Variants in ERCC6L2 observed in about 807,000 individuals in gnomAD.
ERCC6L2 encodes ERCC excision repair 6 like 2.
Under a neutral mutation model 132.0 loss-of-function variants are expected in ERCC6L2, and 77 were observed. That is an observed-to-expected ratio of 0.58 (90% confidence interval 0.49 to 0.71). ERCC6L2 has a LOEUF of 0.71. Among genes scored for constraint, ERCC6L2 ranks in the 30% least tolerant of loss-of-function variants. The pLI is 0.00. For missense variants in ERCC6L2, 1,542 were observed against 1,837.6 expected (o/e 0.84, Z 2.94); for synonymous variants, 583 against 632.4 (o/e 0.92, Z 1.17).
downstream of ERCC6L2, chr9:96,020,648 G>C: frequency 5.0e-6 from 2 of 400,848 alleles, no homozygotes; most frequent in South Asian, 3.7e-5. Context: ...GAGGAAGGCA[G>C]CTGCAGATGA....
chr9:95,934,052 T>C (rs1343809321), intron 11 of ERCC6L2, among the ~76,000 whole-genome samples: 1 of 152,166 alleles, frequency 6.6e-6, no homozygotes, highest in Non-Finnish European at 1.5e-5. Flanking sequence ...GTGAGTTGTT[T>C]TGTGATACAG....
At chr9:95,900,140 C>T (rs776033117) in intron 3 of ERCC6L2, among the ~76,000 whole-genome samples, 9 of 152,134 alleles carry the variant, frequency 5.9e-5, no homozygotes, top group Non-Finnish European at 1.3e-4. Context: ...AATCCCAGCA[C>T]TTTGGGAGGC....
chr9:95,881,050 A>C lies in ERCC6L2; in HGVS notation c.228A>C (p.Lys76Asn). The C allele has an allele frequency of 6.2e-7, 1 of 1,613,996 alleles. No individual in the cohort carries two copies. The highest frequency in any genetic ancestry group is 8.5e-7 in the Non-Finnish European group (1 of 1,179,898). The change falls in exon 2 of 19, where the codon AAA becomes AAC. Residue 76 changes from lysine (K) to asparagine (N), a missense_variant. This residue lies in a region of ERCC6L2 where 153 missense variants were observed against 132.3 expected (regional missense o/e 1.16). Transcript: ENST00000653738. ...AGCTTCAAGAAGTGAAATTTGTTAA[A>C]GATTGCCCTAGGAATCTTATATTTG... Reference protein sequence around the residue: ...LKQLQEVKFVKDCPRNLIFDD... With the variant: ...LKQLQEVKFVNDCPRNLIFDD...
chr9:95,966,824 C>A, intron 14 of ERCC6L2, 110 bp downstream of exon 14: 1 of 908,288 alleles, frequency 1.1e-6, no homozygotes, highest in Non-Finnish European at 1.5e-6. Flanking sequence ...TTTTGGTTTT[C>A]TTTATCAAAA....
rs1041013461 is a variant in ERCC6L2 at position 95,991,511 on chromosome 9, C to T, written c.3493-13009C>T. On this transcript the variant is annotated intron_variant, in intron 17 of 18. Transcript: ENST00000653738. Reference sequence around the variant, plus strand: ...TGTACTTGAAAGAATGACTGATAGACAGACTGGTTATTCAGACTTGGGTAT... The same window carrying T: ...TGTACTTGAAAGAATGACTGATAGATAGACTGGTTATTCAGACTTGGGTAT... Among the ~76,000 whole-genome samples the T allele has an allele frequency of 2.0e-5, 3 of 152,056 alleles. No homozygotes were observed. In the East Asian group the frequency reaches 5.8e-4, roughly 29 times the overall value.
At chr9:96,035,616 A>T (rs536650079) in intron 19 of ERCC6L2, among the ~76,000 whole-genome samples, 2 of 152,188 alleles carry the variant, frequency 1.3e-5, no homozygotes, top group Non-Finnish European at 2.9e-5. Flanking sequence ...CTGCCTGCCT[A>T]CAGAGGGGAG....
At chr9:96,035,238 T>A (rs1448162002) in intron 19 of ERCC6L2, among the ~76,000 whole-genome samples, 1 of 151,832 alleles carries the variant, frequency 6.6e-6, no homozygotes, top group Non-Finnish European at 1.5e-5. Context: ...AGGGGGCGGG[T>A]CCCAGTAAGG....
intron 17 of ERCC6L2, among the ~76,000 whole-genome samples, chr9:96,001,674 G>A (rs570244822): frequency 0.011 from 1,645 of 152,352 alleles, 13 homozygotes; most frequent in Admixed American, 0.016. Context: ...ATCCCGCACC[G>A]GGGCTGCAGG....
At chr9:95,894,923 G>T (rs1169942745) in intron 2 of ERCC6L2, among the ~76,000 whole-genome samples, 8 of 152,104 alleles carry the variant, frequency 5.3e-5, no homozygotes, top group African/African-American at 7.2e-5. Flanking sequence ...TAACTATTTC[G>T]TGGGTACTTA....
At chr9:95,974,835 A>C (rs925785124) in intron 16 of ERCC6L2, among the ~76,000 whole-genome samples, 4 of 152,028 alleles carry the variant, frequency 2.6e-5, no homozygotes, top group Non-Finnish European at 5.9e-5. Flanking sequence ...GTGATGATAA[A>C]ATACCTCGAG....
chr9:95,987,155 G>A (rs935273461), intron 17 of ERCC6L2, among the ~76,000 whole-genome samples: 4 of 152,050 alleles, frequency 2.6e-5, no homozygotes, highest in African/African-American at 9.7e-5. Context: ...ATGAGATTTG[G>A]GTGGGGACAC....
intron 19 of ERCC6L2, among the ~76,000 whole-genome samples, chr9:96,028,831 G>A (rs1235602740): frequency 3.3e-5 from 5 of 152,260 alleles, no homozygotes; most frequent in African/African-American, 9.6e-5. Flanking sequence ...ATAAGTATAC[G>A]TCATATACAT....
chr9:96,012,788 G>A lies in ERCC6L2; in HGVS notation c.4238G>A (p.Arg1413Lys). 2 of 1,367,544 alleles carry A rather than the reference G, an allele frequency of 1.5e-6. No individual in the cohort carries two copies. The highest frequency in any genetic ancestry group is 2.0e-6 in the Non-Finnish European group (2 of 1,021,828). 84.7% of individuals were successfully genotyped at this position (1,367,544 alleles called of 1,614,324 possible). ...GACCTCACAAGAACGGGCATTTCAA[G>A]AAAAGAACCCCTTCTCAAATTGGAA... ...QQDLTRTGIS[R>K]KEPLLKLENK... The change falls in exon 19 of 19, where the codon AGA becomes AAA. Residue 1413 changes from arginine to lysine, a missense_variant. Transcript: ENST00000653738.
chr9:96,012,591 A>G lies in ERCC6L2; in HGVS notation c.4041A>G (p.Glu1347=), dbSNP rs2133226004. ...TTCAGAATCATATTTCCTATAGAGA[A>G]GAGGTGTTTTTTAATGATGCAGAAA... ...VKFQNHISYR[E]EVFFNDAETK... Residue 1347 remains glutamate, a synonymous_variant, in exon 19 of 19, where the codon GAA becomes GAG. Coordinates refer to ENST00000653738, the MANE Select transcript of ERCC6L2 (RefSeq NM_020207.7). 1 of 1,367,664 alleles carries G rather than the reference A, an allele frequency of 7.3e-7. No homozygotes were observed. Among genetic ancestry groups the G allele is most frequent in the Admixed American group, 1.9e-5 (1 of 52,572 alleles). 84.7% of individuals were successfully genotyped at this position (1,367,664 alleles called of 1,614,324 possible).
In ERCC6L2 at chr9:95,966,514, T is replaced by C. The variant is rs763106912; in HGVS notation, c.1948-48T>C. 9 of 1,401,360 alleles carry C rather than the reference T, an allele frequency of 6.4e-6. 1 individual carries two copies. Among genetic ancestry groups the C allele is most frequent in the Middle Eastern group, 1.9e-4 (1 of 5,206 alleles). The allele number at this position is 1,401,360 out of a possible 1,614,324, so 86.8% of individuals were successfully genotyped here. ...GGGAATGCCAGGAAATTCTGACATA[T>C]TGTTGGAGCAAACACTTCAAAAATG... is the stretch of plus-strand genomic sequence containing the variant. On this transcript the variant is annotated intron_variant, in intron 13 of 18. Transcript: ENST00000653738.
chr9:95,987,346 T>G (rs541409513), intron 17 of ERCC6L2, among the ~76,000 whole-genome samples: 1 of 152,320 alleles, frequency 6.6e-6, no homozygotes, highest in East Asian at 1.9e-4. Flanking sequence ...TATGAGCCTG[T>G]AAAATCAAAA....
chr9:96,008,261 T>G (rs1018829172), intron 18 of ERCC6L2, among the ~76,000 whole-genome samples: 2 of 152,206 alleles, frequency 1.3e-5, no homozygotes, highest in African/African-American at 4.8e-5. Context: ...CTTTAATATC[T>G]TCCCTAGATA....
At chr9:96,008,426 T>G (rs774052383) in intron 18 of ERCC6L2, among the ~76,000 whole-genome samples, 6 of 152,206 alleles carry the variant, frequency 3.9e-5, no homozygotes, top group Non-Finnish European at 7.3e-5. Context: ...TATCTAGCTT[T>G]CTTTTCCATG....
chr9:95,933,173 C>T (rs1387285286), intron 11 of ERCC6L2, among the ~76,000 whole-genome samples: 2 of 152,194 alleles, frequency 1.3e-5, no homozygotes, highest in Non-Finnish European at 2.9e-5. Context: ...TATGCCTGAC[C>T]TTGCCATCAA....
Sources: gnomAD v4.1 joint callset for allele counts (sites outside exome capture counted in the v4.1 genomes callset) on GRCh38, gnomAD v4.1.1 for gene constraint, gnomAD v4.1.1 regional missense constraint, MANE v1.5 for transcripts, NCBI Gene and HGNC (gene_info 2026-07-23, HGNC 2026-07-21) for gene names.